NAA11: variants seen among roughly 807,000 people sequenced by gnomAD.
NAA11 encodes the protein N-alpha-acetyltransferase 11, NatA catalytic subunit.
Under a neutral mutation model 16.1 loss-of-function variants are expected in NAA11, and 15 were observed. The ratio of observed to expected loss-of-function variants is 0.93; its 90% confidence interval spans 0.62 to 1.44. The LOEUF (loss-of-function observed/expected upper bound fraction) is 1.44. Ranked by LOEUF, NAA11 falls within the 40% of genes most tolerant of loss-of-function variation. The pLI, the probability that NAA11 is intolerant of heterozygous loss-of-function variation, is 0.00. For missense variants in NAA11, 298 were observed against 291.3 expected, an observed-to-expected ratio of 1.02 and a Z score of -0.17; for synonymous variants, 122 against 112.4, an observed-to-expected ratio of 1.09 and a Z score of -0.54.
chr4:79,184,163 G>A, the NAA11 span, among the ~76,000 whole-genome samples: 1 of 152,074 alleles, frequency 6.6e-6, no homozygotes, highest in Admixed American at 6.6e-5. Context: ...TTTCAAATAA[G>A]AAATAAAATA....
intron 1 of NAA11, among the ~76,000 whole-genome samples, chr4:79,297,985 T>G (rs2109999250): frequency 6.6e-6 from 1 of 152,276 alleles, no homozygotes; most frequent in East Asian, 1.9e-4. Flanking sequence ...TCCTCCCCAC[T>G]GAGGCTGATA....
chr4:79,170,565 CTT>C, the NAA11 span, among the ~76,000 whole-genome samples: 2 of 152,140 alleles, frequency 1.3e-5, no homozygotes, highest in South Asian at 4.1e-4. Context: ...TCAGAAAGGA[CTT>C]TGCATTTTGG....
chr4:79,238,339 C>A (rs930399117), intron 2 of NAA11, among the ~76,000 whole-genome samples: 9 of 152,112 alleles, frequency 5.9e-5, no homozygotes, highest in South Asian at 4.1e-4. Flanking sequence ...CCTTTTCTGT[C>A]CCCACTGAAC....
intron 2 of NAA11, among the ~76,000 whole-genome samples, chr4:79,276,432 G>A (rs1395015086): frequency 2.6e-5 from 4 of 152,060 alleles, no homozygotes; most frequent in Non-Finnish European, 5.9e-5. Context: ...CCCGAAGTTC[G>A]CCACCCTGCA....
the NAA11 span, among the ~76,000 whole-genome samples, chr4:79,217,873 A>G: frequency 2.6e-5 from 4 of 152,184 alleles, no homozygotes; most frequent in Non-Finnish European, 5.9e-5. Context: ...AAATCTTAAA[A>G]GAGAGAAGAG....
At chr4:79,207,393 A>C in the NAA11 span, among the ~76,000 whole-genome samples, 2 of 144,108 alleles carry the variant, frequency 1.4e-5, no homozygotes, top group African/African-American at 5.1e-5. Flanking sequence ...AAAAAAGGAG[A>C]GTTCTAATCC....
intron 1 of NAA11, among the ~76,000 whole-genome samples, chr4:79,309,714 C>CTTTTTTTTTTTTTTTTTT: frequency 1.2e-5 from 1 of 81,420 alleles, no homozygotes; most frequent in Non-Finnish European, 2.2e-5. Flanking sequence ...TTTTTTTTTT[C>CTTTTTTTTTTTTTTTTTT]TTTTTTTTTT....
the NAA11 span, among the ~76,000 whole-genome samples, chr4:79,172,502 C>T: frequency 6.6e-6 from 1 of 151,998 alleles, no homozygotes; most frequent in Non-Finnish European, 1.5e-5. Flanking sequence ...GGATTTTTTT[C>T]CCTAAGTCTC....
chr4:79,285,788 T>C (rs1455464077), intron 2 of NAA11, among the ~76,000 whole-genome samples: 3 of 152,064 alleles, frequency 2.0e-5, no homozygotes, highest in Non-Finnish European at 4.4e-5. Context: ...GTCTCATGAC[T>C]ATAGCAAATT....
chr4:79,211,652 G>T, the NAA11 span: 1 of 152,256 alleles, frequency 6.6e-6, no homozygotes, highest in Admixed American at 6.5e-5. Flanking sequence ...GGGCCAGAAG[G>T]TGGGGCGGTA....
chr4:79,213,759 T>TC, the NAA11 span, among the ~76,000 whole-genome samples: 3 of 152,202 alleles, frequency 2.0e-5, no homozygotes, highest in Non-Finnish European at 4.4e-5. Context: ...GTACATGGAA[T>TC]CCCTTATGTC....
At chr4:79,223,494 G>T (rs1360498921), downstream of NAA11, among the ~76,000 whole-genome samples, 2 of 116,708 alleles carry the variant, frequency 1.7e-5, no homozygotes, top group South Asian at 3.2e-4. Flanking sequence ...GGGGACTGTT[G>T]TGGGGTGGGG....
At chr4:79,167,236 T>TAC in the NAA11 span, among the ~76,000 whole-genome samples, 3 of 118,894 alleles carry the variant, frequency 2.5e-5, no homozygotes, top group African/African-American at 1.0e-4. Flanking sequence ...TATGTATGTA[T>TAC]ACACACACAC....
intron 1 of NAA11, among the ~76,000 whole-genome samples, chr4:79,300,406 T>A (rs1282731687): frequency 6.6e-6 from 1 of 152,008 alleles, no homozygotes; most frequent in Non-Finnish European, 1.5e-5. Context: ...CCTGCACTTC[T>A]ATTGCTTCTT....
At chr4:79,316,011 T>C (rs78722628), downstream of NAA11, among the ~76,000 whole-genome samples, 234 of 152,272 alleles carry the variant, frequency 1.5e-3, 1 homozygote, top group African/African-American at 5.5e-3. Flanking sequence ...TCATTTCCCA[T>C]TTTCCAATTG....
At chr4:79,162,358 C>T in the NAA11 span, among the ~76,000 whole-genome samples, 19 of 152,250 alleles carry the variant, frequency 1.2e-4, no homozygotes, top group African/African-American at 4.3e-4. Context: ...TAATAAAAAA[C>T]TGGGGGTCTT....
At chr4:79,309,696 T>C (rs1723702293) in intron 1 of NAA11, among the ~76,000 whole-genome samples, 2 of 149,258 alleles carry the variant, frequency 1.3e-5, no homozygotes, top group African/African-American at 2.5e-5. Context: ...TCTTATTCTA[T>C]TGGTGTTTTT....
intron 2 of NAA11, among the ~76,000 whole-genome samples, chr4:79,273,620 G>C (rs1194420584): frequency 3.3e-5 from 5 of 152,024 alleles, no homozygotes; most frequent in African/African-American, 4.8e-5. Context: ...ATAAAACTAT[G>C]TGATAAAGTT....
the NAA11 span, among the ~76,000 whole-genome samples, chr4:79,177,618 G>A: frequency 9.2e-5 from 14 of 152,124 alleles, no homozygotes; most frequent in East Asian, 2.1e-3. Flanking sequence ...TTTAAAGTGG[G>A]CTTGTACCAA....
Sources: gnomAD v4.1 joint callset for allele counts (sites outside exome capture counted in the v4.1 genomes callset) on GRCh38, gnomAD v4.1.1 for gene constraint, MANE v1.5 for transcripts, NCBI Gene and HGNC (gene_info 2026-07-23, HGNC 2026-07-21) for gene names.